RALGAPA2: variants seen among roughly 807,000 people sequenced by gnomAD.
RALGAPA2 encodes the protein Ral GTPase activating protein catalytic subunit alpha 2.
In RALGAPA2, 139 loss-of-function variants were observed where a neutral mutation model predicts 230.4. The observed-to-expected ratio is 0.60, with a 90% CI of 0.53 to 0.69. The LOEUF (loss-of-function observed/expected upper bound fraction) is 0.69. RALGAPA2 is among the 30% of genes least tolerant of loss of function. The pLI, the probability that RALGAPA2 is intolerant of heterozygous loss-of-function variation, is 0.00. For synonymous variants in RALGAPA2, 847 were observed against 837.8 expected (o/e 1.01, Z -0.19); for missense variants, 2,163 against 2,276.0 (o/e 0.95, Z 1.01).
At chr20:20,572,368 G>A (rs1205078787) in intron 21 of RALGAPA2, among the ~76,000 whole-genome samples, 1 of 151,742 alleles carries the variant, frequency 6.6e-6, no homozygotes, top group African/African-American at 2.4e-5. Flanking sequence ...CTTGAACCCA[G>A]GAGGCAGAGG....
intron 37 of RALGAPA2, among the ~76,000 whole-genome samples, chr20:20,438,995 T>C (rs2060674956): frequency 6.6e-6 from 1 of 152,186 alleles, no homozygotes; most frequent in Non-Finnish European, 1.5e-5. Flanking sequence ...GAAAAGCACA[T>C]TCATTAGGCC....
intron 14 of RALGAPA2, among the ~76,000 whole-genome samples, chr20:20,608,338 C>G (rs1373234868): frequency 6.6e-6 from 1 of 152,130 alleles, no homozygotes; most frequent in African/African-American, 2.4e-5. Context: ...ACCATCAGAG[C>G]TTCAAGCATA....
intron 37 of RALGAPA2, among the ~76,000 whole-genome samples, chr20:20,452,504 G>A (rs922846063): frequency 2.6e-5 from 4 of 152,218 alleles, no homozygotes; most frequent in African/African-American, 9.6e-5. Context: ...ATCCCCAGCG[G>A]AAGGGCTGTC....
intron 37 of RALGAPA2, among the ~76,000 whole-genome samples, chr20:20,442,203 T>C (rs1323008478): frequency 2.6e-5 from 4 of 152,242 alleles, no homozygotes; most frequent in African/African-American, 4.8e-5. Flanking sequence ...TCTTGCAAAA[T>C]GGGACAACAA....
In RALGAPA2 at chr20:20,629,498, G is replaced by A. The variant is rs757466615; in HGVS notation, c.1098C>T (p.Thr366=). The A allele has an allele frequency of 6.2e-7, 1 of 1,613,884 alleles. No homozygotes were observed. Among genetic ancestry groups the A allele is most frequent in the South Asian group, 1.1e-5 (1 of 91,068 alleles). The change falls in exon 10 of 40, where the codon ACC becomes ACT. Residue 366 remains threonine (T), a synonymous_variant. Coordinates refer to ENST00000202677, the MANE Select transcript of RALGAPA2 (RefSeq NM_020343.4). ...AGTTGCTGAGTCTTCGGTCCGACAAGGTGCTGCTGTTAGAATGGCTTTTGT... is the reference window on the plus strand; with the variant it reads ...AGTTGCTGAGTCTTCGGTCCGACAAAGTGCTGCTGTTAGAATGGCTTTTGT... ...EQDKSHSNSS[T]LSDRRLSNSS... is the part of the protein sequence containing the mutation.
At chr20:20,547,378 T>C (rs2063801571) in intron 23 of RALGAPA2, among the ~76,000 whole-genome samples, 1 of 152,124 alleles carries the variant, frequency 6.6e-6, no homozygotes, top group Non-Finnish European at 1.5e-5. Context: ...TGGCTCTGAG[T>C]ATATGTGTGA....
chr20:20,589,282 G>C lies in RALGAPA2; in HGVS notation c.2425C>G (p.His809Asp). The change falls in exon 18 of 40, where the codon CAT becomes GAT. Residue 809 changes from histidine (H) to aspartate (D), a missense_variant. His to Asp is a moderately conservative substitution (Grantham distance 81). Transcript: ENST00000202677. ...AAATATCTTACTGTTATTCCTTCATGTTCTCTCTTCACATGTCCTTTATTC... is the reference window on the plus strand; with the variant it reads ...AAATATCTTACTGTTATTCCTTCATCTTCTCTCTTCACATGTCCTTTATTC... ...QENKGHVKREHEGITILVRRS... is the reference protein window; with the variant it reads ...QENKGHVKREDEGITILVRRS... 1 of 1,574,622 alleles carries C rather than the reference G, an allele frequency of 6.4e-7. No homozygotes were observed. Among genetic ancestry groups the C allele is most frequent in the Non-Finnish European group, 8.6e-7 (1 of 1,158,200 alleles).
intron 15 of RALGAPA2, among the ~76,000 whole-genome samples, chr20:20,604,663 CATT>C (rs1464474313): frequency 1.3e-5 from 2 of 152,018 alleles, no homozygotes; most frequent in African/African-American, 4.8e-5. Context: ...TTTCTTAAAA[CATT>C]ATGAGATTTT....
chr20:20,531,661 C>A (rs770747857), intron 27 of RALGAPA2, 26 bp downstream of exon 27: 3 of 1,522,622 alleles, frequency 2.0e-6, no homozygotes, highest in Non-Finnish European at 2.7e-6. Flanking sequence ...GCTTAATATC[C>A]AATCAGCACC....
intron 1 of RALGAPA2, among the ~76,000 whole-genome samples, chr20:20,707,509 G>A (rs1429957689): frequency 6.6e-6 from 1 of 152,152 alleles, no homozygotes; most frequent in Non-Finnish European, 1.5e-5. Flanking sequence ...ACTTAAAAAT[G>A]AGAGGAACAA....
intron 3 of RALGAPA2, among the ~76,000 whole-genome samples, chr20:20,673,612 C>T (rs1452969849): frequency 1.3e-5 from 2 of 151,638 alleles, no homozygotes; most frequent in African/African-American, 4.8e-5. Context: ...AATACTAAAA[C>T]AAGTCTAAAA....
At chr20:20,697,336 A>C (rs2069154923) in intron 1 of RALGAPA2, among the ~76,000 whole-genome samples, 1 of 152,178 alleles carries the variant, frequency 6.6e-6, no homozygotes, top group Admixed American at 6.5e-5. Context: ...ATCTCAAAAA[A>C]AATTTTTTAA....
intron 28 of RALGAPA2, 61 bp from the exon 29 acceptor site, chr20:20,524,959 G>T: frequency 1.4e-6 from 2 of 1,463,598 alleles, no homozygotes; most frequent in Non-Finnish European, 9.3e-7. Flanking sequence ...GTAAGCCTAT[G>T]TTAGGAGTCC....
intron 1 of RALGAPA2, among the ~76,000 whole-genome samples, chr20:20,695,060 A>G (rs779068058): frequency 1.1e-4 from 16 of 152,220 alleles, no homozygotes; most frequent in Admixed American, 1.3e-4. Context: ...AAACTCATCA[A>G]TCATGACACC....
At chr20:20,626,434 A>T (rs975009538) in intron 10 of RALGAPA2, among the ~76,000 whole-genome samples, 1 of 152,238 alleles carries the variant, frequency 6.6e-6, no homozygotes, top group Non-Finnish European at 1.5e-5. Context: ...TGACACTAAG[A>T]TGTCTCATAA....
At chr20:20,397,250 T>C (rs1270914833) in intron 38 of RALGAPA2, among the ~76,000 whole-genome samples, 1 of 152,224 alleles carries the variant, frequency 6.6e-6, no homozygotes, top group Non-Finnish European at 1.5e-5. Context: ...AATACTGGTG[T>C]CACCTGCAAT....
At chr20:20,531,824 A>C in intron 26 of RALGAPA2, 29 bp from the exon 27 acceptor site, 4 of 1,488,052 alleles carry the variant, frequency 2.7e-6, no homozygotes, top group Non-Finnish European at 3.7e-6. Context: ...ACAGAGGAAA[A>C]CTCTCATGAA....
intron 3 of RALGAPA2, among the ~76,000 whole-genome samples, chr20:20,674,543 C>A (rs2068249738): frequency 6.6e-6 from 1 of 152,182 alleles, no homozygotes; most frequent in Non-Finnish European, 1.5e-5. Context: ...AGCAGACCAA[C>A]TGGCAAGTAT....
intron 1 of RALGAPA2, among the ~76,000 whole-genome samples, chr20:20,707,961 C>T (rs1202373643): frequency 1.3e-5 from 2 of 152,074 alleles, no homozygotes; most frequent in Non-Finnish European, 2.9e-5. Flanking sequence ...CTCTACTTTC[C>T]CAGATTCTAA....
Sources: allele counts gnomAD v4.1 joint callset (sites outside exome capture counted in the v4.1 genomes callset), GRCh38; gene constraint gnomAD v4.1.1; transcripts MANE v1.5; gene names NCBI Gene and HGNC (gene_info 2026-07-23, HGNC 2026-07-21).